TSHR: variants seen among roughly 807,000 people sequenced by gnomAD.
The protein encoded by TSHR is thyroid stimulating hormone receptor, also known as thyrotropin receptor.
In TSHR, 51 loss-of-function variants were observed where a neutral mutation model predicts 64.1. The ratio of observed to expected loss-of-function variants is 0.80; its 90% CI spans 0.64 to 1.01. The LOEUF (loss-of-function observed/expected upper bound fraction) is 1.01, where lower values mean the gene tolerates loss of function less well. TSHR is among the 50% of genes least tolerant of loss of function. The pLI is 0.00. For synonymous variants in TSHR, 361 were observed against 361.9 expected, an observed-to-expected ratio of 1.00 and a Z score of 0.03; for missense variants, 877 against 942.8, an observed-to-expected ratio of 0.93 and a Z score of 0.91.
intron 1 of TSHR, among the ~76,000 whole-genome samples, chr14:81,030,199 G>C (rs567418322): frequency 6.6e-6 from 1 of 152,198 alleles, no homozygotes; most frequent in East Asian, 1.9e-4. Flanking sequence ...GGAAAACAAA[G>C]AAGTCACTTT....
rs189048652 is a variant in TSHR, at chr14:81,059,904, A to T, written c.171-2244A>T. Among the ~76,000 whole-genome samples, 5 of 152,304 alleles carry T rather than the reference A, an allele frequency of 3.3e-5. No individual in the cohort carries two copies. In the East Asian group the frequency reaches 9.6e-4, roughly 29 times the overall value. ...GTTCAGAACTGTATGTGTGTAAAAG[A>T]GAGAGAGAATTCAAGAAACAGGTGT... On this transcript the variant is annotated intron_variant, in intron 1 of 9. Coordinates refer to ENST00000298171, the MANE Select transcript of TSHR (RefSeq NM_000369.5).
chr14:80,982,541 G>T, intron 1 of TSHR: 1 of 1,012,432 alleles, frequency 9.9e-7, no homozygotes, highest in Non-Finnish European at 1.4e-6. Flanking sequence ...GATGATGCTA[G>T]TTTTGACCCT....
chr14:81,027,192 CAG>C (rs1228067285), intron 1 of TSHR, among the ~76,000 whole-genome samples: 1 of 151,806 alleles, frequency 6.6e-6, no homozygotes, highest in African/African-American at 2.4e-5. Context: ...ATCGAGAACA[CAG>C]GGGAAATTGA....
chr14:80,981,101 C>G (rs901717567), intron 1 of TSHR, among the ~76,000 whole-genome samples: 1 of 151,876 alleles, frequency 6.6e-6, no homozygotes, highest in African/African-American at 2.4e-5. Flanking sequence ...GAATTGTTAC[C>G]TTTTTATTTT....
At chr14:81,070,239 A>G (rs1256863932) in intron 3 of TSHR, among the ~76,000 whole-genome samples, 1 of 152,214 alleles carries the variant, frequency 6.6e-6, no homozygotes, top group African/African-American at 2.4e-5. Context: ...CGTATGTTAG[A>G]AGTACTGCAA....
At chr14:81,141,725 A>G (rs753215789) in intron 9 of TSHR, among the ~76,000 whole-genome samples, 1 of 152,216 alleles carries the variant, frequency 6.6e-6, no homozygotes, top group Non-Finnish European at 1.5e-5. Flanking sequence ...CCTGGCCAAC[A>G]TGGTGAAACC....
chr14:81,076,382 T>A (rs117641695), intron 3 of TSHR, among the ~76,000 whole-genome samples: 5,620 of 152,258 alleles, frequency 0.037, 148 homozygotes, highest in Non-Finnish European at 0.054. Context: ...CTATGTGATC[T>A]TATCTAACAA....
Position 81,103,872 on chromosome 14 carries a change from A to G in TSHR, c.615-4503A>G. Reference sequence around the variant, plus strand: ...GTAACTAGCTACTATCTGACAGTAAACATTTAGGCAGGAATAAAAATACCA... The same window carrying G: ...GTAACTAGCTACTATCTGACAGTAAGCATTTAGGCAGGAATAAAAATACCA... On this transcript the variant is annotated intron_variant, in intron 7 of 9. Transcript: ENST00000298171. This position sits in a 1 kb window ranked among gnomAD's most constrained non-coding sequence, Gnocchi z 4.1. 4.1e-6 allele frequency: 4 copies of G among 985,452 alleles called. No individual in the cohort carries two copies. The highest frequency in any genetic ancestry group is 4.8e-6 in the Non-Finnish European group (4 of 829,936). The allele number at this position is 985,452 out of a possible 1,614,324, so 61.0% of individuals were successfully genotyped here. A position where few individuals can be genotyped will look rare whatever the true frequency, so the allele number is the denominator to read the frequency against.
At chr14:81,069,803 A>G (rs1035223153) in intron 3 of TSHR, among the ~76,000 whole-genome samples, 1 of 152,198 alleles carries the variant, frequency 6.6e-6, no homozygotes, top group Non-Finnish European at 1.5e-5. Flanking sequence ...GTGGGGCAAA[A>G]AAATCAAGAG....
intron 1 of TSHR, among the ~76,000 whole-genome samples, chr14:81,037,622 C>T (rs939210134): frequency 2.0e-5 from 3 of 151,636 alleles, no homozygotes; most frequent in South Asian, 2.1e-4. Context: ...TAAGGACACA[C>T]GTAGACTGAA....
chr14:81,043,848 T>G (rs1442252686), intron 1 of TSHR, among the ~76,000 whole-genome samples: 1 of 152,204 alleles, frequency 6.6e-6, no homozygotes. Context: ...TGATTCCCTA[T>G]TTAATAAATG....
intron 1 of TSHR, among the ~76,000 whole-genome samples, chr14:80,988,783 C>T (rs986533205): frequency 6.6e-6 from 1 of 152,158 alleles, no homozygotes; most frequent in Non-Finnish European, 1.5e-5. Flanking sequence ...TGCTGATTGT[C>T]GAACATCTCT....
chr14:81,032,920 G>C lies in TSHR; in HGVS notation c.171-29228G>C, dbSNP rs913274944. ...CCTGGACGAAAGAGGAATTCCATGA[G>C]CTGAACAAAGACAAGCTTCTAGTCA... On this transcript the variant is annotated intron_variant, in intron 1 of 9. Transcript: ENST00000298171. 2.3e-4 allele frequency: 83 copies of C among 356,190 alleles called. 1 individual carries two copies. Among genetic ancestry groups the C allele is most frequent in the Non-Finnish European group, 4.3e-4 (78 of 182,910 alleles). 22.1% of individuals were successfully genotyped at this position (356,190 alleles called of 1,614,324 possible). A position where few individuals can be genotyped will look rare whatever the true frequency, so the allele number is the denominator to read the frequency against.
At chr14:80,979,587 G>A (rs72693070) in intron 1 of TSHR, among the ~76,000 whole-genome samples, 1 of 151,950 alleles carries the variant, frequency 6.6e-6, no homozygotes, top group African/African-American at 2.4e-5. Flanking sequence ...ACTCTGATTT[G>A]ATCATTATAC....
At chr14:81,128,181 A>G (rs1288439717) in intron 8 of TSHR, among the ~76,000 whole-genome samples, 2 of 152,246 alleles carry the variant, frequency 1.3e-5, no homozygotes, top group Non-Finnish European at 2.9e-5. Flanking sequence ...ATAGTCAGAC[A>G]CGAATTTTCT....
At chr14:81,026,592 A>C (rs1357879083) in intron 1 of TSHR, among the ~76,000 whole-genome samples, 1 of 152,234 alleles carries the variant, frequency 6.6e-6, no homozygotes, top group Non-Finnish European at 1.5e-5. Flanking sequence ...ATAAAACTTA[A>C]TGAATAAGGT....
At chr14:81,046,689 A>G (rs1438641909) in intron 1 of TSHR, among the ~76,000 whole-genome samples, 2 of 152,164 alleles carry the variant, frequency 1.3e-5, no homozygotes, top group Non-Finnish European at 2.9e-5. Flanking sequence ...TAAAAACTCT[A>G]ACCCCATAAA....
intron 1 of TSHR, among the ~76,000 whole-genome samples, chr14:81,011,551 T>A (rs1345626052): frequency 6.6e-6 from 1 of 152,110 alleles, no homozygotes; most frequent in Non-Finnish European, 1.5e-5. Flanking sequence ...GTATCGTGCT[T>A]TCTCTTTTCT....
chr14:80,973,398 T>G (rs1887684401), intron 1 of TSHR, among the ~76,000 whole-genome samples: 1 of 16,826 alleles, frequency 5.9e-5, no homozygotes. Context: ...AGCGAGACGC[T>G]GTCTCAAAAA....
Sources: gnomAD v4.1 joint callset for allele counts (sites outside exome capture counted in the v4.1 genomes callset) on GRCh38, gnomAD v4.1.1 for gene constraint, Gnocchi (gnomAD v3.1) non-coding constraint, MANE v1.5 for transcripts, NCBI Gene and HGNC (gene_info 2026-07-23, HGNC 2026-07-21) for gene names.